The following R3HCC1L variants were observed in gnomAD, a reference collection of about 807,000 sequenced individuals.
R3HCC1L encodes coiled-coil domain-containing protein R3HCC1L.
A neutral mutation model predicts 59.9 loss-of-function variants in R3HCC1L; 51 were observed. That is an observed-to-expected ratio of 0.85 (90% CI 0.68 to 1.07). The LOEUF (loss-of-function observed/expected upper bound fraction) is 1.07. Among genes scored for constraint, R3HCC1L ranks in the 50% least tolerant of loss-of-function variants. R3HCC1L has a pLI of 0.00. For synonymous variants in R3HCC1L, 322 were observed against 315.2 expected, an observed-to-expected ratio of 1.02 and a Z score of -0.23; for missense variants, 965 against 933.0, an observed-to-expected ratio of 1.03 and a Z score of -0.45.
At chr10:98,139,563 AAT>A (rs1182314720) in intron 1 of R3HCC1L, among the ~76,000 whole-genome samples, 7 of 152,232 alleles carry the variant, frequency 4.6e-5, no homozygotes, top group Non-Finnish European at 7.3e-5. Context: ...ATTATCCAGT[AAT>A]GAGCCCAGCA....
In R3HCC1L at chr10:98,208,923, C is replaced by T. The variant is rs201162801; in HGVS notation, c.809C>T (p.Pro270Leu). ...SSGGITTTSVPGSPDGVFDQT... is the reference protein window; with the variant it reads ...SSGGITTTSVLGSPDGVFDQT... Reference sequence around the variant, plus strand: ...GGAGGCATCACCACTACTTCTGTTCCTGGAAGTCCAGATGGTGTCTTTGAT... The same window carrying T: ...GGAGGCATCACCACTACTTCTGTTCTTGGAAGTCCAGATGGTGTCTTTGAT... The change falls in exon 5 of 10, where the codon CCT becomes CTT. Residue 270 changes from proline to leucine, a missense_variant. Transcript: ENST00000298999. The T allele has an allele frequency of 5.0e-5, 81 of 1,614,076 alleles. No individual in the cohort carries two copies. The highest frequency in any genetic ancestry group is 6.5e-5 in the Non-Finnish European group (77 of 1,179,966).
At chr10:98,168,488 C>T (rs535599453) in intron 4 of R3HCC1L, among the ~76,000 whole-genome samples, 1 of 152,014 alleles carries the variant, frequency 6.6e-6, no homozygotes, top group African/African-American at 2.4e-5. Flanking sequence ...CTTTTCATGC[C>T]AGTTTATTTA....
chr10:98,137,420 T>A (rs1844705845), intron 1 of R3HCC1L, among the ~76,000 whole-genome samples: 1 of 152,180 alleles, frequency 6.6e-6, no homozygotes, highest in Non-Finnish European at 1.5e-5. Flanking sequence ...TGGGTACAAA[T>A]AAAGTTCTCA....
At chr10:98,190,013 G>A (rs72826268) in intron 4 of R3HCC1L, among the ~76,000 whole-genome samples, 171 of 152,308 alleles carry the variant, frequency 1.1e-3, no homozygotes, top group Non-Finnish European at 1.8e-3. Flanking sequence ...GGATGTTCAA[G>A]TCTCTGATAT....
chr10:98,218,301 G>A (rs979178162), intron 5 of R3HCC1L, among the ~76,000 whole-genome samples: 2 of 151,616 alleles, frequency 1.3e-5, no homozygotes, highest in East Asian at 3.9e-4. Flanking sequence ...TTGATCTAAT[G>A]TATCACATTT....
chr10:98,186,407 T>C, intron 4 of R3HCC1L: 1 of 651,182 alleles, frequency 1.5e-6, no homozygotes, highest in Non-Finnish European at 1.9e-6. Flanking sequence ...CTCAAATAGC[T>C]GTTCCATGTA....
intron 2 of R3HCC1L, among the ~76,000 whole-genome samples, chr10:98,161,167 C>T (rs1349529145): frequency 3.7e-4 from 57 of 152,032 alleles, no homozygotes; most frequent in Non-Finnish European, 5.9e-5. Context: ...GGTTAGTTTC[C>T]CCACAACCTC....
In R3HCC1L at chr10:98,209,239, A is replaced by G; in HGVS notation, c.1125A>G (p.Ala375=). Residue 375 remains alanine (A), a synonymous_variant, in exon 5 of 10, where the codon GCA becomes GCG. Transcript: ENST00000298999. The stretch of plus-strand genomic sequence containing the variant: ...ATGTAGGTGACATTACCAATAAAGC[A>G]TGTATGATGGACACTACAGGTATGT... ...FKNVGDITNK[A]CMMDTTGMSC... is the part of the protein sequence containing the mutation. 1 of 1,613,930 alleles carries G rather than the reference A, an allele frequency of 6.2e-7. No homozygotes were observed. Among genetic ancestry groups the G allele is most frequent in the Non-Finnish European group, 8.5e-7 (1 of 1,179,978 alleles).
intron 2 of R3HCC1L, among the ~76,000 whole-genome samples, chr10:98,156,833 G>T (rs1026432316): frequency 1.3e-5 from 2 of 152,188 alleles, no homozygotes; most frequent in South Asian, 4.1e-4. Flanking sequence ...AATCGAATGG[G>T]TGTAAGTAGT....
At chr10:98,212,739 G>A (rs7916772) in intron 5 of R3HCC1L, among the ~76,000 whole-genome samples, 151,627 of 152,316 alleles carry the variant, frequency 1, 75,482 homozygotes, top group Non-Finnish European at 1. Flanking sequence ...CATCAGATCT[G>A]TTGGTAGGAG....
chr10:98,137,622 T>C (rs1277284394), intron 1 of R3HCC1L, among the ~76,000 whole-genome samples: 2 of 152,208 alleles, frequency 1.3e-5, no homozygotes, highest in East Asian at 1.9e-4. Flanking sequence ...ATAAAAATTA[T>C]ATTAGATTTT....
chr10:98,181,725 G>A (rs538165429), intron 4 of R3HCC1L, among the ~76,000 whole-genome samples: 4 of 151,806 alleles, frequency 2.6e-5, no homozygotes, highest in East Asian at 1.9e-4. Flanking sequence ...CTTTTTACTC[G>A]TTTTTCTCTA....
At chr10:98,202,320 G>A (rs960734694) in intron 4 of R3HCC1L, among the ~76,000 whole-genome samples, 3 of 152,078 alleles carry the variant, frequency 2.0e-5, no homozygotes, top group Non-Finnish European at 1.5e-5. Context: ...CCCACACACC[G>A]CTTATTAATT....
intron 6 of R3HCC1L, 143 bp downstream of exon 6, chr10:98,231,830 G>A: frequency 3.3e-6 from 3 of 921,248 alleles, no homozygotes; most frequent in South Asian, 1.9e-5. Context: ...TCCAGGTCCA[G>A]TAGAAATTTT....
In R3HCC1L at chr10:98,209,181, C is replaced by G; in HGVS notation, c.1067C>G (p.Ala356Gly). 1 of 1,613,774 alleles carries G rather than the reference C, an allele frequency of 6.2e-7. No individual in the cohort carries two copies. Among genetic ancestry groups the G allele is most frequent in the Non-Finnish European group, 8.5e-7 (1 of 1,179,900 alleles). Residue 356 changes from alanine (A) to glycine (G), a missense_variant, in exon 5 of 10, where the codon GCT becomes GGT. By Grantham distance (60) the Ala-to-Gly change is moderately conservative. Transcript: ENST00000298999. ...KHEPPDTAVL[A>G]HETHRDSGFK... ...GAACCTCCTGATACAGCTGTCCTTG[C>G]TCATGAAACACATAGAGATAGTGGA... is the stretch of plus-strand genomic sequence containing the variant.
In R3HCC1L at chr10:98,189,696, A is replaced by G. The variant is rs141243196; in HGVS notation, c.-14-18405A>G. On this transcript the variant is annotated intron_variant, in intron 4 of 9. Coordinates refer to ENST00000298999, the MANE Select transcript of R3HCC1L (RefSeq NM_001351015.2). ...CAAGTGTGAAATATATCATTGTATT[A>G]TAATAACTAGTGCAAGTGCATTTAC... is the stretch of plus-strand genomic sequence containing the variant. Among the ~76,000 whole-genome samples the G allele has an allele frequency of 3.0e-3, 455 of 152,342 alleles. 4 individuals are homozygous for G. Among genetic ancestry groups the G allele is most frequent in the African/African-American group, 9.3e-3 (386 of 41,578 alleles).
chr10:98,235,883 C>A, intron 8 of R3HCC1L, 141 bp from the exon 9 acceptor site: 1 of 965,682 alleles, frequency 1.0e-6, no homozygotes, highest in Non-Finnish European at 1.5e-6. Flanking sequence ...CTCTGATCAT[C>A]ATCTATCAGA....
chr10:98,149,715 T>C (rs1845967952), intron 1 of R3HCC1L, among the ~76,000 whole-genome samples: 1 of 152,262 alleles, frequency 6.6e-6, no homozygotes, highest in African/African-American at 2.4e-5. Context: ...TGATTTCTGC[T>C]TTTTTGAATT....
chr10:98,230,332 T>G (rs1400095287), intron 5 of R3HCC1L, among the ~76,000 whole-genome samples: 1 of 152,232 alleles, frequency 6.6e-6, no homozygotes, highest in Non-Finnish European at 1.5e-5. Context: ...GTCGAGGAAT[T>G]TATCCATTTC....
Sources: gnomAD v4.1 joint callset for allele counts (sites outside exome capture counted in the v4.1 genomes callset) on GRCh38, gnomAD v4.1.1 for gene constraint, MANE v1.5 for transcripts, NCBI Gene and HGNC (gene_info 2026-07-23, HGNC 2026-07-21) for gene names.